Variants in MYO10 observed in about 807,000 individuals in gnomAD.
The protein encoded by MYO10 is unconventional myosin-X.
Under a neutral mutation model 257.3 loss-of-function variants are expected in MYO10, and 133 were observed. The observed-to-expected ratio is 0.52, with a 90% confidence interval of 0.45 to 0.60. The LOEUF is 0.60. Ranked by LOEUF, MYO10 falls within the 20% of genes least tolerant of loss-of-function variation. The probability of loss-of-function intolerance (pLI) is 0.00; values close to 1 mark genes in which losing one functional copy is unlikely to be tolerated. For synonymous variants in MYO10, 1,104 were observed against 1,028.6 expected (o/e 1.07, Z -1.40); for missense variants, 2,399 against 2,635.7 (o/e 0.91, Z 1.97).
intron 1 of MYO10, among the ~76,000 whole-genome samples, chr5:16,919,686 A>T (rs1745926520): frequency 6.6e-6 from 1 of 152,176 alleles, no homozygotes; most frequent in Non-Finnish European, 1.5e-5. Context: ...TGGAATAAAT[A>T]AACACACAGG....
chr5:16,672,308 A>AAAAAAAAATAG (rs397796808), intron 37 of MYO10, among the ~76,000 whole-genome samples: 1 of 151,720 alleles, frequency 6.6e-6, no homozygotes, highest in Non-Finnish European at 1.5e-5. Flanking sequence ...AAAAAAAAAA[A>AAAAAAAAATAG]GTAGGTCCAT....
At chr5:16,895,561 T>G (rs1335933694) in intron 1 of MYO10, among the ~76,000 whole-genome samples, 1 of 151,976 alleles carries the variant, frequency 6.6e-6, no homozygotes, top group Non-Finnish European at 1.5e-5. Context: ...TCTCACCTCC[T>G]GAGGACCAAT....
intron 4 of MYO10, among the ~76,000 whole-genome samples, chr5:16,785,145 C>T (rs529159319): frequency 1.8e-4 from 28 of 152,348 alleles, no homozygotes; most frequent in African/African-American, 6.7e-4. Context: ...GCTGAATCCA[C>T]ATCCCTGAAA....
intron 10 of MYO10, among the ~76,000 whole-genome samples, chr5:16,767,167 CTTTTTTTTTTT>C (rs35242676): frequency 1.9e-5 from 2 of 105,320 alleles, no homozygotes; most frequent in African/African-American, 7.1e-5. Context: ...ACCCAACTGT[CTTTTTTTTTTT>C]TTTTTTTTTT....
intron 35 of MYO10, among the ~76,000 whole-genome samples, chr5:16,674,535 A>G (rs1050717049): frequency 6.6e-6 from 1 of 151,064 alleles, no homozygotes; most frequent in Non-Finnish European, 1.5e-5. Context: ...GATTGTTTCT[A>G]TCTCTTTGAT....
intron 1 of MYO10, among the ~76,000 whole-genome samples, chr5:16,896,574 C>A (rs1400932221): frequency 2.0e-5 from 3 of 152,024 alleles, no homozygotes; most frequent in African/African-American, 2.4e-5. Context: ...GCCTGGGCAA[C>A]AAAGCAAGGC....
At chr5:16,742,818 A>G (rs1183787596) in intron 19 of MYO10, among the ~76,000 whole-genome samples, 3 of 151,708 alleles carry the variant, frequency 2.0e-5, no homozygotes, top group Non-Finnish European at 4.4e-5. Flanking sequence ...TCTCAAAAAA[A>G]AAAAAATACA....
At chr5:16,848,155 CTTT>C (rs371042891) in intron 2 of MYO10, among the ~76,000 whole-genome samples, 1 of 113,566 alleles carries the variant, frequency 8.8e-6, no homozygotes. Flanking sequence ...CTACACATTT[CTTT>C]TTTTTTTTTT....
chr5:16,704,648 T>C lies in MYO10; in HGVS notation c.2207A>G (p.Lys736Arg). The C allele has an allele frequency of 1.2e-6, 2 of 1,613,932 alleles. No individual in the cohort carries two copies. Among genetic ancestry groups the C allele is most frequent in the Admixed American group, 1.7e-5 (1 of 60,020 alleles). Reference protein sequence around the residue: ...LRESLEQKLEKRREEEVSHAA... With the variant: ...LRESLEQKLERRREEEVSHAA... ...GTGGCTCACTTCCTCTTCCCTCCGC[T>C]TCTCCAGTTTCTGTTCCAAGGATTC... Residue 736 changes from lysine to arginine, a missense_variant, in exon 22 of 41, where the codon AAG becomes AGG. Coordinates refer to ENST00000513610, the MANE Select transcript of MYO10 (RefSeq NM_012334.3).
Position 16,694,557 on chromosome 5 carries a change from A to C in MYO10, c.3614T>G (p.Leu1205Trp), listed in dbSNP as rs1324378135. Reference protein sequence around the residue: ...RWCVLKDETFLWFRSKQEALK... With the variant: ...RWCVLKDETFWWFRSKQEALK... ...GGCCTCCTGCTTGGAGCGGAACCAC[A>C]AGAAGGTTTCATCCTTGAGGACGCA... Residue 1205 changes from leucine to tryptophan, a missense_variant, in exon 27 of 41, where the codon TTG becomes TGG. Physicochemically the swap from Leu to Trp is moderately conservative, Grantham distance 61. Transcript: ENST00000513610. 1 of 1,613,980 alleles carries C rather than the reference A, an allele frequency of 6.2e-7. No individual in the cohort carries two copies.
At chr5:16,829,612 A>G (rs1389956934) in intron 2 of MYO10, among the ~76,000 whole-genome samples, 1 of 152,202 alleles carries the variant, frequency 6.6e-6, no homozygotes, top group Non-Finnish European at 1.5e-5. Context: ...CTAACCATCC[A>G]GCTCAAACCT....
At chr5:16,725,078 CTTTTTT>C (rs34100971) in intron 19 of MYO10, among the ~76,000 whole-genome samples, 5 of 74,890 alleles carry the variant, frequency 6.7e-5, no homozygotes, top group Non-Finnish European at 7.1e-5. Flanking sequence ...CCTTCTTCTT[CTTTTTT>C]TTTTTTTTTT....
At chr5:16,891,345 AAGGAAGGAAGG>A (rs1443373098) in intron 1 of MYO10, among the ~76,000 whole-genome samples, 1 of 55,884 alleles carries the variant, frequency 1.8e-5, no homozygotes, top group Non-Finnish European at 4.1e-5. Context: ...GGAAGGAAGG[AAGGAAGGAAGG>A]AAGGAAGGAA....
chr5:16,891,651 GAGAC>G (rs1484985740), intron 1 of MYO10, among the ~76,000 whole-genome samples: 1 of 152,112 alleles, frequency 6.6e-6, no homozygotes, highest in Admixed American at 6.5e-5. Flanking sequence ...CAAATTAAAA[GAGAC>G]AGGGAGGGAG....
intron 8 of MYO10, 73 bp from the exon 9 acceptor site, chr5:16,779,721 T>A (rs1741341358): frequency 7.2e-6 from 6 of 832,272 alleles, no homozygotes; most frequent in African/African-American, 3.5e-5. Context: ...ACTCTGACTT[T>A]TTAAAGTATA....
chr5:16,708,104 G>A (rs1425167697), intron 21 of MYO10, among the ~76,000 whole-genome samples: 2 of 152,202 alleles, frequency 1.3e-5, no homozygotes, highest in African/African-American at 2.4e-5. Context: ...CAAATGCTTT[G>A]ATGTTTGCAT....
chr5:16,666,863 T>A, intron 40 of MYO10, 70 bp from the exon 41 acceptor site: 1 of 1,255,512 alleles, frequency 8.0e-7, no homozygotes, highest in South Asian at 1.3e-5. Context: ...TGCCTAATAA[T>A]CCAGACATTC....
chr5:16,874,355 G>A (rs1257467323), intron 2 of MYO10, among the ~76,000 whole-genome samples: 2 of 106,256 alleles, frequency 1.9e-5, no homozygotes, highest in Non-Finnish European at 3.9e-5. Context: ...GGGGGGGGGG[G>A]GGGGTTTCTT....
At position 16,794,638 on chromosome 5, in the gene MYO10, C is replaced by T. The variant is rs755389199; in HGVS notation, c.467+8G>A. ...TGGGAAAGTCCGACTGGCTGTGAGCCCCGTTACCTGATGAGGATGCACTGG... is the reference window on the plus strand; with the variant it reads ...TGGGAAAGTCCGACTGGCTGTGAGCTCCGTTACCTGATGAGGATGCACTGG... On this transcript the variant is annotated splice_region_variant and intron_variant, in intron 4 of 40. Coordinates refer to ENST00000513610, the MANE Select transcript of MYO10 (RefSeq NM_012334.3). 3.7e-6 allele frequency: 6 copies of T among 1,601,444 alleles called. No homozygotes were observed. Among genetic ancestry groups the T allele is most frequent in the Non-Finnish European group, 5.1e-6 (6 of 1,173,780 alleles).
Sources: allele counts gnomAD v4.1 joint callset (sites outside exome capture counted in the v4.1 genomes callset), GRCh38; gene constraint gnomAD v4.1.1; transcripts MANE v1.5; gene names NCBI Gene and HGNC (gene_info 2026-07-23, HGNC 2026-07-21).